Variants in TMEM182 observed in about 807,000 individuals in gnomAD.
TMEM182 encodes the protein transmembrane protein 182.
Under a neutral mutation model 26.8 loss-of-function variants are expected in TMEM182, and 20 were observed. The ratio of observed to expected loss-of-function variants is 0.75; its 90% CI spans 0.53 to 1.09. The LOEUF is 1.09. Ranked by LOEUF, TMEM182 falls within the 50% of genes least tolerant of loss-of-function variation. TMEM182 has a pLI of 0.00. For missense variants in TMEM182, 277 were observed against 275.5 expected (o/e 1.01, Z -0.04); for synonymous variants, 109 against 102.2 (o/e 1.07, Z -0.40).
At chr2:102,738,443 A>G (rs1679433659) in intron 1 of TMEM182, among the ~76,000 whole-genome samples, 1 of 151,960 alleles carries the variant, frequency 6.6e-6, no homozygotes, top group Non-Finnish European at 1.5e-5. Flanking sequence ...AAATACAAAA[A>G]ATTTAGCTGG....
chr2:102,807,123 A>G lies in TMEM182; in HGVS notation c.470-7625A>G, dbSNP rs534706796. ...ATGTTTAATGATAAAAATTGTTATG[A>G]CAATCTAAGAAAGTTATAAATGCTT... On this transcript the variant is annotated intron_variant, in intron 4 of 4. Transcript: ENST00000412401. 1.2e-4 allele frequency among the ~76,000 whole-genome samples: 18 copies of G among 152,344 alleles called. No homozygotes were observed. The East Asian group carries it at 3.3e-3, about 28-fold the overall frequency.
intron 3 of TMEM182, among the ~76,000 whole-genome samples, chr2:102,772,426 C>T (rs1443458829): frequency 6.6e-6 from 1 of 152,122 alleles, no homozygotes; most frequent in African/African-American, 2.4e-5. Context: ...GGGACTTCCA[C>T]ACTGAGTAGG....
intron 3 of TMEM182, among the ~76,000 whole-genome samples, chr2:102,832,845 AT>A (rs1683178069): frequency 6.6e-6 from 1 of 152,186 alleles, no homozygotes; most frequent in Non-Finnish European, 1.5e-5. Flanking sequence ...CAATGTGGTA[AT>A]TTTTTGAATA....
chr2:102,793,316 T>C (rs915116848), intron 3 of TMEM182, among the ~76,000 whole-genome samples: 5 of 152,232 alleles, frequency 3.3e-5, no homozygotes, highest in African/African-American at 1.2e-4. Flanking sequence ...ACATGGCCAC[T>C]ACCTTTTTAG....
chr2:102,824,326 T>C (rs948349983), intron 3 of TMEM182, among the ~76,000 whole-genome samples: 1 of 152,204 alleles, frequency 6.6e-6, no homozygotes, highest in African/African-American at 2.4e-5. Flanking sequence ...CATTTTGACA[T>C]GGTTTGGATT....
intron 4 of TMEM182, among the ~76,000 whole-genome samples, chr2:102,803,932 C>T (rs1317284367): frequency 1.3e-5 from 2 of 151,192 alleles, no homozygotes; most frequent in Non-Finnish European, 3.0e-5. Flanking sequence ...GCAGCTCTGC[C>T]GTCTACACCT....
chr2:102,832,789 T>C (rs1391324949), intron 3 of TMEM182, among the ~76,000 whole-genome samples: 1 of 152,086 alleles, frequency 6.6e-6, no homozygotes, highest in African/African-American at 2.4e-5. Context: ...ACACACACAC[T>C]CAAGAATTGC....
chr2:102,823,652 A>T (rs901507377), intron 3 of TMEM182, among the ~76,000 whole-genome samples: 1 of 152,130 alleles, frequency 6.6e-6, no homozygotes, highest in Non-Finnish European at 1.5e-5. Context: ...CTTCTTAAAC[A>T]GTTCCATTCA....
intron 3 of TMEM182, among the ~76,000 whole-genome samples, chr2:102,827,099 C>G (rs1683047769): frequency 6.6e-6 from 1 of 152,234 alleles, no homozygotes; most frequent in Non-Finnish European, 1.5e-5. Context: ...CCAGCCGCCA[C>G]ATGGCTATTT....
At chr2:102,831,188 T>A (rs76535720) in intron 3 of TMEM182, among the ~76,000 whole-genome samples, 6,656 of 152,256 alleles carry the variant, frequency 0.044, 490 homozygotes, top group African/African-American at 0.15. Flanking sequence ...TGTCTCTTCA[T>A]TACACTGATT....
chr2:102,805,553 A>G (rs1418569546), intron 4 of TMEM182, among the ~76,000 whole-genome samples: 1 of 152,010 alleles, frequency 6.6e-6, no homozygotes, highest in African/African-American at 2.4e-5. Context: ...GCTTTTCTGA[A>G]CAACCTTAAA....
In TMEM182 at chr2:102,815,507, C is replaced by T. The variant is rs1558788390; in HGVS notation, c.*539C>T. 1.0e-6 allele frequency: 1 copy of T among 985,958 alleles called. No individual in the cohort carries two copies. Among genetic ancestry groups the T allele is most frequent in the Non-Finnish European group, 1.2e-6 (1 of 830,372 alleles). The allele number at this position is 985,958 out of a possible 1,614,324, so 61.1% of individuals were successfully genotyped here. On this transcript the variant is annotated 3_prime_UTR_variant, in exon 5 of 5. Transcript: ENST00000412401. ...CTAATTAGTGGGAGCCATGTACTCA[C>T]CAGTTAAAATGGGCCACAACAAACA...
At chr2:102,785,222 C>A (rs936458768) in intron 3 of TMEM182, among the ~76,000 whole-genome samples, 4 of 152,130 alleles carry the variant, frequency 2.6e-5, no homozygotes, top group African/African-American at 7.2e-5. Flanking sequence ...CCTCCAAGCA[C>A]CACTCCCCAC....
At chr2:102,742,283 G>C (rs1379795830) in intron 1 of TMEM182, among the ~76,000 whole-genome samples, 1 of 151,990 alleles carries the variant, frequency 6.6e-6, no homozygotes, top group Admixed American at 6.5e-5. Context: ...ATATAACCAG[G>C]GAAACAATCA....
intron 4 of TMEM182, among the ~76,000 whole-genome samples, chr2:102,802,325 G>A (rs1268702377): frequency 6.6e-6 from 1 of 152,172 alleles, no homozygotes; most frequent in African/African-American, 2.4e-5. Flanking sequence ...CCTTTGCTGG[G>A]TCAACAGGCT....
At chr2:102,785,773 A>C (rs544882381) in intron 3 of TMEM182, among the ~76,000 whole-genome samples, 3 of 152,202 alleles carry the variant, frequency 2.0e-5, no homozygotes, top group Non-Finnish European at 4.4e-5. Context: ...AAAGACTATA[A>C]GTTTCCCTGG....
At chr2:102,804,035 G>C (rs893648040) in intron 4 of TMEM182, among the ~76,000 whole-genome samples, 4 of 152,226 alleles carry the variant, frequency 2.6e-5, no homozygotes, top group Non-Finnish European at 5.9e-5. Context: ...GCTATAAATA[G>C]CTGCACACTG....
At chr2:102,823,089 T>C (rs1238680012) in intron 3 of TMEM182, among the ~76,000 whole-genome samples, 5 of 152,182 alleles carry the variant, frequency 3.3e-5, no homozygotes, top group Admixed American at 3.3e-4. Flanking sequence ...GTAGGTCTTT[T>C]AACACTGTGA....
chr2:102,838,523 C>G (rs1683290175), intron 3 of TMEM182, among the ~76,000 whole-genome samples: 1 of 152,210 alleles, frequency 6.6e-6, no homozygotes, highest in Non-Finnish European at 1.5e-5. Context: ...TAGGCACTGC[C>G]TCCATCTGTC....
Sources: gnomAD v4.1 joint callset for allele counts (sites outside exome capture counted in the v4.1 genomes callset) on GRCh38, gnomAD v4.1.1 for gene constraint, MANE v1.5 for transcripts, NCBI Gene and HGNC (gene_info 2026-07-23, HGNC 2026-07-21) for gene names.